PNPLA7: variants seen among roughly 807,000 people sequenced by gnomAD.
PNPLA7 encodes the protein patatin like domain 7, lysophospholipase, also known as patatin-like phospholipase domain-containing protein 7.
In PNPLA7, 153 loss-of-function variants were observed where a neutral mutation model predicts 161.7. The ratio of observed to expected loss-of-function variants is 0.95; its 90% CI spans 0.83 to 1.08. The LOEUF (loss-of-function observed/expected upper bound fraction) is 1.08. Among genes scored for constraint, PNPLA7 ranks in the 50% least tolerant of loss-of-function variants. The pLI is 0.00. For missense variants in PNPLA7, 1,739 were observed against 1,856.6 expected, an observed-to-expected ratio of 0.94 and a Z score of 1.16; for synonymous variants, 809 against 782.1, an observed-to-expected ratio of 1.03 and a Z score of -0.57.
intron 14 of PNPLA7, among the ~76,000 whole-genome samples, chr9:137,502,240 C>T (rs1833471763): frequency 6.6e-6 from 1 of 152,076 alleles, no homozygotes; most frequent in South Asian, 2.1e-4. Flanking sequence ...CTGGGGCAAA[C>T]CAAGGGTGAG....
At chr9:137,488,857 C>G (rs1225213197) in intron 20 of PNPLA7, among the ~76,000 whole-genome samples, 4 of 149,660 alleles carry the variant, frequency 2.7e-5, no homozygotes, top group African/African-American at 4.9e-5. Context: ...CAGCAGACAT[C>G]CCTCCCAACT....
intron 21 of PNPLA7, among the ~76,000 whole-genome samples, chr9:137,481,447 G>A (rs145079695): frequency 1.4e-3 from 217 of 152,364 alleles, no homozygotes; most frequent in African/African-American, 5.0e-3. Context: ...AGGGTCCCCA[G>A]TGTTGACATG....
At chr9:137,472,909 T>C (rs943303947) in intron 25 of PNPLA7, among the ~76,000 whole-genome samples, 3 of 151,546 alleles carry the variant, frequency 2.0e-5, no homozygotes, top group Non-Finnish European at 4.4e-5. Context: ...GAGCCGAGAT[T>C]GCACCACTGC....
rs142382954 is a variant in PNPLA7 at position 137,480,315 on chromosome 9, G to A, written c.2577C>T (p.Gly859=). 55 of 1,611,458 alleles carry A rather than the reference G, an allele frequency of 3.4e-5. No homozygotes were observed. In the East Asian group the frequency reaches 8.0e-4, roughly 24 times the overall value. ...CACCGGCCCTCCCCGTGCTCACCTCGCCCACTGTGGGCTCCTGGTCACCCA... is the reference window on the plus strand; with the variant it reads ...CACCGGCCCTCCCCGTGCTCACCTCACCCACTGTGGGCTCCTGGTCACCCA... The part of the protein sequence containing the change: ...VGLGDQEPTV[G]ELERMLESTA... The change falls in exon 23 of 35, where the codon GGC becomes GGT. Residue 859 remains glycine, a synonymous_variant. Coordinates refer to ENST00000406427, the MANE Select transcript of PNPLA7 (RefSeq NM_001098537.3).
intron 30 of PNPLA7, 38 bp downstream of exon 30, chr9:137,462,647 G>C: frequency 6.2e-7 from 1 of 1,606,956 alleles, no homozygotes; most frequent in Non-Finnish European, 8.5e-7. Flanking sequence ...GCAGGGAGGA[G>C]CAGCAGGGAC....
At chr9:137,521,766 C>T (rs143963044) in intron 9 of PNPLA7, 50 bp from the exon 10 acceptor site, 19 of 1,539,414 alleles carry the variant, frequency 1.2e-5, no homozygotes, top group South Asian at 6.8e-5. Flanking sequence ...GGGTACAGGG[C>T]GGGCCCCCGG....
At chr9:137,532,131 T>C (rs1463364479) in intron 8 of PNPLA7, among the ~76,000 whole-genome samples, 2 of 152,198 alleles carry the variant, frequency 1.3e-5, no homozygotes, top group African/African-American at 4.8e-5. Context: ...ATAAAGACTA[T>C]CTCCCATTAA....
At chr9:137,507,003 C>T (rs528450929) in intron 12 of PNPLA7, among the ~76,000 whole-genome samples, 2 of 152,338 alleles carry the variant, frequency 1.3e-5, no homozygotes, top group African/African-American at 2.4e-5. Context: ...CATGGCGCTG[C>T]GGGAAGGAAC....
At chr9:137,479,908 G>T (rs2132140669) in intron 23 of PNPLA7, 1 of 985,104 alleles carries the variant, frequency 1.0e-6, no homozygotes, top group South Asian at 4.7e-5. Context: ...ATTCACAAGA[G>T]GAAAACTAAG....
rs1831283371 is a variant in PNPLA7 at position 137,462,837 on chromosome 9, G to A, written c.3344-4C>T. 6.2e-7 allele frequency: 1 copy of A among 1,613,486 alleles called. No homozygotes were observed. On this transcript the variant is annotated splice_region_variant and splice_polypyrimidine_tract_variant and intron_variant, in intron 29 of 34. Coordinates refer to ENST00000406427, the MANE Select transcript of PNPLA7 (RefSeq NM_001098537.3). ...CCCATGGACCGGGCCACATCCGCTA[G>A]GGAGAAGCCAGCCCTGGTTACCCCC...
intron 12 of PNPLA7, among the ~76,000 whole-genome samples, chr9:137,506,655 CCT>C (rs752420174): frequency 1.9e-4 from 29 of 152,286 alleles, no homozygotes; most frequent in Non-Finnish European, 3.7e-4. Flanking sequence ...AAAGAGCTCC[CCT>C]GTTGCTGCTT....
intron 4 of PNPLA7, among the ~76,000 whole-genome samples, chr9:137,545,765 A>C (rs1374735529): frequency 6.6e-6 from 1 of 152,218 alleles, no homozygotes; most frequent in Non-Finnish European, 1.5e-5. Flanking sequence ...ACCAGAAGAC[A>C]AGAGTGCGAG....
At chr9:137,544,521 C>T (rs988920132) in intron 4 of PNPLA7, among the ~76,000 whole-genome samples, 2 of 152,218 alleles carry the variant, frequency 1.3e-5, no homozygotes, top group African/African-American at 2.4e-5. Context: ...TGTCCCAGAC[C>T]CAGCCTACAG....
chr9:137,479,787 G>GTGA, intron 23 of PNPLA7: 2 of 985,448 alleles, frequency 2.0e-6, no homozygotes, highest in African/African-American at 3.5e-5. Context: ...AATCAGGTCA[G>GTGA]TGATCTGCTG....
chr9:137,531,578 C>A (rs1835583888), intron 8 of PNPLA7, among the ~76,000 whole-genome samples: 1 of 152,144 alleles, frequency 6.6e-6, no homozygotes, highest in Non-Finnish European at 1.5e-5. Flanking sequence ...TCACACCCAA[C>A]CCAGCTGTCA....
At chr9:137,493,949 C>T (rs961988388) in intron 19 of PNPLA7, among the ~76,000 whole-genome samples, 5 of 152,142 alleles carry the variant, frequency 3.3e-5, no homozygotes, top group African/African-American at 7.2e-5. Context: ...CCAGGAGCTG[C>T]GGGCAGGAGA....
At chr9:137,470,578 T>A (rs1203064662) in intron 25 of PNPLA7, among the ~76,000 whole-genome samples, 1 of 152,092 alleles carries the variant, frequency 6.6e-6, no homozygotes, top group Admixed American at 6.5e-5. Flanking sequence ...AAAAATTTTT[T>A]AAAAACCTTC....
At position 137,480,374 on chromosome 9, in the gene PNPLA7, C is replaced by A. The variant is rs191119649; in HGVS notation, c.2518G>T (p.Val840Leu). The change falls in exon 23 of 35, where the codon GTG becomes TTG. Residue 840 changes from valine to leucine, a missense_variant. Around this residue, in one of 6 missense-constraint regions of PNPLA7, gnomAD observed 192 missense variants for 249.5 expected, o/e 0.77. Coordinates refer to ENST00000406427, the MANE Select transcript of PNPLA7 (RefSeq NM_001098537.3). Reference protein sequence around the residue: ...GTLTPWTQRCVRQADCILIVG... With the variant: ...GTLTPWTQRCLRQADCILIVG... ...ATGAGGATGCAGTCGGCCTGGCGCACGCAGCGCTGGGTCCAGGGTGTGAGC... is the reference window on the plus strand; with the variant it reads ...ATGAGGATGCAGTCGGCCTGGCGCAAGCAGCGCTGGGTCCAGGGTGTGAGC... The A allele has an allele frequency of 4.5e-5, 73 of 1,613,546 alleles. 4 individuals carry two copies. In the South Asian group the frequency reaches 7.7e-4, roughly 17 times the overall value.
chr9:137,499,687 C>T lies in PNPLA7; in HGVS notation c.1757+1004G>A, dbSNP rs1049229557. Among the ~76,000 whole-genome samples, 8 of 152,364 alleles carry T rather than the reference C, an allele frequency of 5.3e-5. No individual in the cohort carries two copies. Among genetic ancestry groups the T allele is most frequent in the East Asian group, 3.9e-4 (2 of 5,184 alleles). On this transcript the variant is annotated intron_variant, in intron 16 of 34. Coordinates refer to ENST00000406427, the MANE Select transcript of PNPLA7 (RefSeq NM_001098537.3). The surrounding 1 kb of genome is among the most constrained non-coding windows in gnomAD (Gnocchi z 5.5). Reference sequence around the variant, plus strand: ...GCCCTTCCCAACTGGGCCAGGGCCCCGCTGCCCCCACCCCTGCCCCTTGCC... The same window carrying T: ...GCCCTTCCCAACTGGGCCAGGGCCCTGCTGCCCCCACCCCTGCCCCTTGCC...
Sources: allele counts gnomAD v4.1 joint callset (sites outside exome capture counted in the v4.1 genomes callset), GRCh38; gene constraint gnomAD v4.1.1; regional missense constraint gnomAD v4.1.1; non-coding constraint Gnocchi (gnomAD v3.1); transcripts MANE v1.5; gene names NCBI Gene and HGNC (gene_info 2026-07-23, HGNC 2026-07-21).